NLGN1: variants seen among roughly 807,000 people sequenced by gnomAD.
NLGN1 encodes neuroligin 1.
A neutral mutation model predicts 65.5 loss-of-function variants in NLGN1; 12 were observed. The observed-to-expected ratio is 0.18, with a 90% CI of 0.12 to 0.30. The LOEUF (loss-of-function observed/expected upper bound fraction) is 0.30. NLGN1 is among the 10% of genes least tolerant of loss of function. The pLI, the probability that NLGN1 is intolerant of heterozygous loss-of-function variation, is 1.00. For synonymous variants in NLGN1, 350 were observed against 359.5 expected (o/e 0.97, Z 0.30); for missense variants, 750 against 1,007.1 (o/e 0.74, Z 3.46).
At chr3:173,666,898 T>G (rs1761773983) in intron 3 of NLGN1, among the ~76,000 whole-genome samples, 1 of 152,170 alleles carries the variant, frequency 6.6e-6, no homozygotes, top group Non-Finnish European at 1.5e-5. Context: ...ACACTCATTA[T>G]CCTAACTCAC....
At chr3:173,957,039 C>CA (rs1278506393) in intron 4 of NLGN1, among the ~76,000 whole-genome samples, 2 of 151,328 alleles carry the variant, frequency 1.3e-5, no homozygotes, top group Non-Finnish European at 2.9e-5. Flanking sequence ...CTATCAATAA[C>CA]AAAAATAGAG....
chr3:173,430,134 A>G (rs1465708017), intron 1 of NLGN1, among the ~76,000 whole-genome samples: 1 of 152,170 alleles, frequency 6.6e-6, no homozygotes, highest in Non-Finnish European at 1.5e-5. Context: ...TAAAAACTGA[A>G]TCTGCTAGAA....
intron 4 of NLGN1, among the ~76,000 whole-genome samples, chr3:174,233,231 C>T (rs1165947019): frequency 1.3e-5 from 2 of 152,038 alleles, no homozygotes; most frequent in Admixed American, 6.6e-5. Context: ...GCCAGTATCC[C>T]AGCACTTTGG....
chr3:174,005,239 A>G (rs1478671169), intron 4 of NLGN1, among the ~76,000 whole-genome samples: 1 of 152,158 alleles, frequency 6.6e-6, no homozygotes, highest in Non-Finnish European at 1.5e-5. Context: ...ATTAATTATG[A>G]AGGTAGTTTT....
intron 3 of NLGN1, among the ~76,000 whole-genome samples, chr3:173,767,866 C>T (rs759420278): frequency 2.8e-4 from 42 of 152,064 alleles, no homozygotes; most frequent in Non-Finnish European, 4.1e-4. Context: ...AAAGAAAATT[C>T]GTATTTTGAT....
chr3:173,883,447 C>T (rs1197493540), intron 4 of NLGN1, among the ~76,000 whole-genome samples: 1 of 151,974 alleles, frequency 6.6e-6, no homozygotes, highest in Non-Finnish European at 1.5e-5. Context: ...AATGAAAAAG[C>T]TTGAAGTATT....
chr3:173,658,899 G>A (rs952432379), intron 3 of NLGN1, among the ~76,000 whole-genome samples: 13 of 151,948 alleles, frequency 8.6e-5, no homozygotes. Context: ...TGGAATGGAG[G>A]TTCATCCTCA....
intron 3 of NLGN1, among the ~76,000 whole-genome samples, chr3:173,722,798 C>G (rs1271650144): frequency 6.6e-6 from 1 of 152,042 alleles, no homozygotes; most frequent in Non-Finnish European, 1.5e-5. Flanking sequence ...TGTGAAGATC[C>G]ATTTATTCAT....
intron 3 of NLGN1, among the ~76,000 whole-genome samples, chr3:173,801,830 G>A (rs1482936010): frequency 6.6e-6 from 1 of 151,992 alleles, no homozygotes; most frequent in African/African-American, 2.4e-5. Context: ...ATACTATCAA[G>A]ATGCAAATTC....
chr3:174,177,360 A>G (rs971273791), intron 4 of NLGN1, among the ~76,000 whole-genome samples: 2 of 152,052 alleles, frequency 1.3e-5, no homozygotes, highest in African/African-American at 4.8e-5. Context: ...TCAGAAAATC[A>G]CTAGAGATCA....
At chr3:174,164,046 A>G (rs888649128) in intron 4 of NLGN1, among the ~76,000 whole-genome samples, 6 of 152,066 alleles carry the variant, frequency 3.9e-5, no homozygotes, top group African/African-American at 1.4e-4. Flanking sequence ...TTACATTCCC[A>G]CCAACAGTGT....
At chr3:174,249,763 G>A (rs1744446399) in intron 4 of NLGN1, among the ~76,000 whole-genome samples, 1 of 152,150 alleles carries the variant, frequency 6.6e-6, no homozygotes, top group South Asian at 2.1e-4. Flanking sequence ...ATTGAGTTAT[G>A]TTTAAAACCA....
intron 3 of NLGN1, among the ~76,000 whole-genome samples, chr3:173,655,033 G>A (rs1759781576): frequency 6.6e-6 from 1 of 152,040 alleles, no homozygotes; most frequent in Admixed American, 6.6e-5. Context: ...TTCCATTATA[G>A]TTTTCTATGA....
intron 4 of NLGN1, among the ~76,000 whole-genome samples, chr3:173,982,707 G>GTT (rs1400437130): frequency 6.6e-6 from 1 of 152,158 alleles, no homozygotes; most frequent in Non-Finnish European, 1.5e-5. Context: ...GGTTGATCCA[G>GTT]TTTTCCTTTC....
chr3:173,517,517 T>C (rs1363633090), intron 2 of NLGN1, among the ~76,000 whole-genome samples: 1 of 152,080 alleles, frequency 6.6e-6, no homozygotes, highest in African/African-American at 2.4e-5. Context: ...TGGACTAATA[T>C]ATATATATTT....
chr3:173,854,163 A>G (rs1427773171), intron 4 of NLGN1, among the ~76,000 whole-genome samples: 3 of 152,024 alleles, frequency 2.0e-5, no homozygotes, highest in Non-Finnish European at 4.4e-5. Context: ...CAACAACAAC[A>G]AAACTTTATC....
intron 4 of NLGN1, among the ~76,000 whole-genome samples, chr3:174,269,606 G>A (rs1229680433): frequency 6.6e-6 from 1 of 151,724 alleles, no homozygotes; most frequent in African/African-American, 2.4e-5. Flanking sequence ...ATGAACACTT[G>A]GGTTGCTTCC....
intron 3 of NLGN1, among the ~76,000 whole-genome samples, chr3:173,700,147 C>A (rs928552843): frequency 6.6e-6 from 1 of 152,128 alleles, no homozygotes. Context: ...ACCACAGGCT[C>A]CTGGGAAATA....
At chr3:174,284,917 A>T (rs976813650) in exon 7 of NLGN1, 1 of 151,368 alleles carries the variant, frequency 6.6e-6, no homozygotes, top group Non-Finnish European at 1.5e-5. Context: ...TGAAAACAGC[A>T]ACATTTTTTT....
Sources: gnomAD v4.1 joint callset for allele counts (sites outside exome capture counted in the v4.1 genomes callset) on GRCh38, gnomAD v4.1.1 for gene constraint, MANE v1.5 for transcripts, NCBI Gene and HGNC (gene_info 2026-07-23, HGNC 2026-07-21) for gene names.